The following GABBR2 variants were observed in gnomAD, a reference collection of about 807,000 sequenced individuals.
GABBR2 encodes the protein gamma-aminobutyric acid type B receptor subunit 2.
In GABBR2, 23 loss-of-function variants were observed where a neutral mutation model predicts 105.6. That is an observed-to-expected ratio of 0.22 (90% CI 0.16 to 0.31). The LOEUF is 0.31. Ranked by LOEUF, GABBR2 falls within the 10% of genes least tolerant of loss-of-function variation. GABBR2 has a pLI of 1.00. For synonymous variants in GABBR2, 478 were observed against 499.7 expected (o/e 0.96, Z 0.58); for missense variants, 734 against 1,245.5 (o/e 0.59, Z 6.18).
At chr9:98,606,784 A>C (rs73502491) in intron 1 of GABBR2, 3,913 of 314,046 alleles carry the variant, frequency 0.012, 140 homozygotes, top group African/African-American at 0.078. Context: ...CTGACCTATT[A>C]TCATTTTTTT....
chr9:98,418,496 G>A (rs887526613), intron 7 of GABBR2, among the ~76,000 whole-genome samples: 1 of 152,060 alleles, frequency 6.6e-6, no homozygotes, highest in Non-Finnish European at 1.5e-5. Flanking sequence ...GATTGTGCCA[G>A]TGTACTCCAG....
At chr9:98,505,256 T>A (rs1050733481) in intron 3 of GABBR2, among the ~76,000 whole-genome samples, 4 of 152,222 alleles carry the variant, frequency 2.6e-5, no homozygotes, top group Non-Finnish European at 5.9e-5. Flanking sequence ...CACCTACTTT[T>A]TAGATTTCTA....
intron 12 of GABBR2, among the ~76,000 whole-genome samples, chr9:98,367,391 T>A (rs1452241924): frequency 6.6e-6 from 1 of 151,500 alleles, no homozygotes; most frequent in Non-Finnish European, 1.5e-5. Flanking sequence ...ACAAATATTG[T>A]ATGGTTTAAC....
At chr9:98,509,418 G>T (rs1008098002) in intron 3 of GABBR2, among the ~76,000 whole-genome samples, 1 of 152,328 alleles carries the variant, frequency 6.6e-6, no homozygotes, top group Non-Finnish European at 1.5e-5. Context: ...AAGCTGGATG[G>T]AGAATGACTT....
chr9:98,425,516 T>C (rs1314395210), intron 7 of GABBR2, among the ~76,000 whole-genome samples: 1 of 152,216 alleles, frequency 6.6e-6, no homozygotes, highest in South Asian at 2.1e-4. Context: ...TGCTGGGCTC[T>C]AGGTATAACA....
intron 1 of GABBR2, among the ~76,000 whole-genome samples, chr9:98,653,583 A>G (rs1340217554): frequency 2.0e-5 from 3 of 152,190 alleles, no homozygotes; most frequent in African/African-American, 7.2e-5. Context: ...CCTGAGCTCT[A>G]AAACAGAAAT....
intron 1 of GABBR2, among the ~76,000 whole-genome samples, chr9:98,684,756 G>A (rs1269975061): frequency 6.6e-6 from 1 of 152,152 alleles, no homozygotes; most frequent in Non-Finnish European, 1.5e-5. Context: ...CTATGGTAGA[G>A]ACAAACTTTA....
At chr9:98,648,116 T>TGTGGATAGATAGATAG in intron 1 of GABBR2, among the ~76,000 whole-genome samples, 1 of 55,948 alleles carries the variant, frequency 1.8e-5, no homozygotes, top group Non-Finnish European at 3.4e-5. Flanking sequence ...TGTGTGTGTG[T>TGTGGATAGATAGATAG]ATAGATAGAT....
At chr9:98,596,241 T>C (rs966366488) in intron 1 of GABBR2, among the ~76,000 whole-genome samples, 5 of 152,240 alleles carry the variant, frequency 3.3e-5, no homozygotes, top group South Asian at 4.1e-4. Context: ...ATGGTGAAGG[T>C]CAGATGAATT....
intron 13 of GABBR2, among the ~76,000 whole-genome samples, chr9:98,336,661 C>T (rs923979235): frequency 5.8e-5 from 7 of 120,688 alleles, no homozygotes; most frequent in African/African-American, 1.6e-4. Flanking sequence ...GCCAAGATCA[C>T]GCCACTGACT....
rs377230314 is a variant in GABBR2, at chr9:98,299,010, C to T, written c.2542+214G>A. Among the ~76,000 whole-genome samples the T allele has an allele frequency of 4.6e-5, 7 of 152,342 alleles. No individual in the cohort carries two copies. In the East Asian group the frequency reaches 5.8e-4, roughly 13 times the overall value. ...AACTGCAAGCCGAGGGATGAGAAAT[C>T]GAAGACCCAGGCCCAGGCAGGGTGG... On this transcript the variant is annotated intron_variant, in intron 17 of 18. Coordinates refer to ENST00000259455, the MANE Select transcript of GABBR2 (RefSeq NM_005458.8).
At chr9:98,639,599 C>CA (rs113683310) in intron 1 of GABBR2, among the ~76,000 whole-genome samples, 7,437 of 141,106 alleles carry the variant, frequency 0.053, 207 homozygotes, top group East Asian at 0.12. Context: ...CACGCATAGA[C>CA]AAAAAAAAAA....
chr9:98,696,088 T>C (rs1054034903), intron 1 of GABBR2, among the ~76,000 whole-genome samples: 4 of 152,180 alleles, frequency 2.6e-5, no homozygotes, highest in Non-Finnish European at 4.4e-5. Context: ...AAAAGTTAAC[T>C]TGCGGCTGTG....
chr9:98,694,460 G>A (rs892725399), intron 1 of GABBR2, among the ~76,000 whole-genome samples: 19 of 152,200 alleles, frequency 1.2e-4, no homozygotes, highest in African/African-American at 3.9e-4. Flanking sequence ...TAGATTCTTC[G>A]GTAAGACAGC....
At position 98,405,249 on chromosome 9, in the gene GABBR2, T is replaced by A. The variant is rs1832469778; in HGVS notation, c.1297+832A>T. Among the ~76,000 whole-genome samples, 3 of 152,234 alleles carry A rather than the reference T, an allele frequency of 2.0e-5. No individual in the cohort carries two copies. In the South Asian group the frequency reaches 6.2e-4, roughly 32 times the overall value. ...CTCTACTTTAGAGTCTGTTTGAACA[T>A]CTCTAAAATCAAAACCAAAAACAGG... On this transcript the variant is annotated intron_variant, in intron 8 of 18. Transcript: ENST00000259455.
rs5899345 is a variant in GABBR2 at position 98,501,125 on chromosome 9, GCC to G, written c.631-4613_631-4612del. ...AGGGTGATTAAGACTAGGAACCACT[GCC>G]CCCCCCCCTTCCCCGCCCCCTGCTC... On this transcript the variant is annotated intron_variant, in intron 3 of 18. Transcript: ENST00000259455. 1.2e-3 allele frequency among the ~76,000 whole-genome samples: 140 copies of G among 119,250 alleles called. 1 individual carries two copies. Among genetic ancestry groups the G allele is most frequent in the East Asian group, 5.5e-3 (20 of 3,654 alleles). 78.2% of individuals were successfully genotyped at this position (119,250 alleles called of 152,430 possible).
rs983684160 is a variant in GABBR2, at chr9:98,312,426, A to C, written c.1894-1221T>G. On this transcript the variant is annotated intron_variant, in intron 13 of 18. Coordinates refer to ENST00000259455, the MANE Select transcript of GABBR2 (RefSeq NM_005458.8). ...TGTATTCTTGTCAGGAATCCTACAT[A>C]AGTAAGAGTCACATCAGGGGGACGC... Among the ~76,000 whole-genome samples, 9 of 152,332 alleles carry C rather than the reference A, an allele frequency of 5.9e-5. No homozygotes were observed. In the South Asian group the frequency reaches 1.9e-3, roughly 32 times the overall value.
intron 1 of GABBR2, among the ~76,000 whole-genome samples, chr9:98,705,718 T>C (rs1830883913): frequency 6.6e-6 from 1 of 152,252 alleles, no homozygotes; most frequent in Admixed American, 6.5e-5. Context: ...TCCTTCACTC[T>C]GGCTCAGGGA....
rs1049695542 is a variant in GABBR2, at chr9:98,532,712, T to C, written c.630+9161A>G. ...GCCCATCCCACAGTGTCTGATTCACTGGGGCTAGGACAGAGCCCAAGTGGT... is the reference window on the plus strand; with the variant it reads ...GCCCATCCCACAGTGTCTGATTCACCGGGGCTAGGACAGAGCCCAAGTGGT... On this transcript the variant is annotated intron_variant, in intron 3 of 18. Coordinates refer to ENST00000259455, the MANE Select transcript of GABBR2 (RefSeq NM_005458.8). Among the ~76,000 whole-genome samples the C allele has an allele frequency of 3.3e-5, 5 of 152,184 alleles. No individual in the cohort carries two copies. The East Asian group carries it at 9.6e-4, about 29-fold the overall frequency.
Sources: gnomAD v4.1 joint callset for allele counts (sites outside exome capture counted in the v4.1 genomes callset) on GRCh38, gnomAD v4.1.1 for gene constraint, MANE v1.5 for transcripts, NCBI Gene and HGNC (gene_info 2026-07-23, HGNC 2026-07-21) for gene names.